The following NEK5 variants were observed in gnomAD, a reference collection of about 807,000 sequenced individuals.
NEK5 encodes the protein serine/threonine-protein kinase Nek5.
A neutral mutation model predicts 109.2 loss-of-function variants in NEK5; 88 were observed. That is an observed-to-expected ratio of 0.81 (90% CI 0.68 to 0.96). NEK5 has a LOEUF of 0.96. Ranked by LOEUF, NEK5 falls within the 40% of genes least tolerant of loss-of-function variation. NEK5 has a pLI of 0.00. For synonymous variants in NEK5, 283 were observed against 299.9 expected (o/e 0.94, Z 0.58); for missense variants, 834 against 920.7 (o/e 0.91, Z 1.22).
chr13:52,097,311 G>A (rs1329697995), intron 12 of NEK5, among the ~76,000 whole-genome samples: 5 of 152,184 alleles, frequency 3.3e-5, no homozygotes, highest in African/African-American at 7.2e-5. Flanking sequence ...CTCCAAAAAC[G>A]GTAGATTGAA....
At chr13:52,092,687 A>AGATCACCTGAGG in intron 13 of NEK5, among the ~76,000 whole-genome samples, 1 of 152,170 alleles carries the variant, frequency 6.6e-6, no homozygotes, top group Non-Finnish European at 1.5e-5. Context: ...GGAGTTCAAG[A>AGATCACCTGAGG]TCAGGTTGGC....
Position 52,102,079 on chromosome 13 carries a change from C to T in NEK5, c.810+13G>A, listed in dbSNP as rs760123559. ...ATCTCTGCCAAAATCCAAACAGTCA[C>T]CTCAAAACTTACCTCAGGAGTCAAA... is the stretch of plus-strand genomic sequence containing the variant. On this transcript the variant is annotated intron_variant, in intron 10 of 23. Coordinates refer to ENST00000684899, the MANE Select transcript of NEK5 (RefSeq NM_001365552.1). 3.5e-5 allele frequency: 57 copies of T among 1,613,054 alleles called. No homozygotes were observed. The highest frequency in any genetic ancestry group is 2.4e-4 in the South Asian group (22 of 91,058).
At chr13:52,049,830 AT>A (rs1954489105) in intron 23 of NEK5, among the ~76,000 whole-genome samples, 1 of 152,222 alleles carries the variant, frequency 6.6e-6, no homozygotes, top group Non-Finnish European at 1.5e-5. Flanking sequence ...TTTGAAGAAA[AT>A]GCTGTGAAGA....
At chr13:52,080,765 A>T (rs1429480663) in intron 17 of NEK5, among the ~76,000 whole-genome samples, 3 of 152,044 alleles carry the variant, frequency 2.0e-5, no homozygotes, top group Non-Finnish European at 4.4e-5. Context: ...GGAAGGCCGC[A>T]GGGTCCTCTG....
intron 22 of NEK5, among the ~76,000 whole-genome samples, chr13:52,059,708 A>C (rs1954593898): frequency 1.3e-5 from 2 of 152,062 alleles, no homozygotes; most frequent in African/African-American, 4.8e-5. Flanking sequence ...GCAAGAACAA[A>C]AAACCAAACA....
intron 11 of NEK5, among the ~76,000 whole-genome samples, chr13:52,100,468 GC>G: frequency 6.6e-6 from 1 of 152,306 alleles, no homozygotes; most frequent in Middle Eastern, 3.4e-3. Context: ...GGCCATGTTG[GC>G]CAGACTGGCA....
At chr13:52,112,913 A>G (rs922435034) in intron 4 of NEK5, among the ~76,000 whole-genome samples, 7 of 152,234 alleles carry the variant, frequency 4.6e-5, no homozygotes, top group African/African-American at 1.7e-4. Flanking sequence ...ACTAAATACT[A>G]CTAGGCTCTC....
chr13:52,122,878 GA>G (rs1397153471), intron 3 of NEK5, among the ~76,000 whole-genome samples: 1 of 152,160 alleles, frequency 6.6e-6, no homozygotes, highest in Non-Finnish European at 1.5e-5. Context: ...TAGTGATTAA[GA>G]AAGAGGTTAT....
At chr13:52,055,623 G>T (rs895048679) in intron 22 of NEK5, among the ~76,000 whole-genome samples, 3 of 152,034 alleles carry the variant, frequency 2.0e-5, no homozygotes, top group African/African-American at 7.3e-5. Flanking sequence ...CTACAAGCCA[G>T]AACAGAGGGG....
At position 52,079,351 on chromosome 13, in the gene NEK5, C is replaced by A. The variant is rs139221202; in HGVS notation, c.1573-3208G>T. ...TCCACGGTCTCCCTCTGATGCCGAGCCGAAGCTGGACTGTACTGCTGCCAT... is the reference window on the plus strand; with the variant it reads ...TCCACGGTCTCCCTCTGATGCCGAGACGAAGCTGGACTGTACTGCTGCCAT... On this transcript the variant is annotated intron_variant, in intron 17 of 23. Coordinates refer to ENST00000684899, the MANE Select transcript of NEK5 (RefSeq NM_001365552.1). 3.3e-3 allele frequency among the ~76,000 whole-genome samples: 488 copies of A among 148,978 alleles called. 3 individuals carry two copies. The highest frequency in any genetic ancestry group is 0.011 in the African/African-American group (439 of 39,976).
chr13:52,036,557 C>T lies in NEK5; in HGVS notation c.*391G>A, dbSNP rs1478688956. 1.3e-5 allele frequency: 2 copies of T among 151,868 alleles called. No individual in the cohort carries two copies. The highest frequency in any genetic ancestry group is 4.8e-5 in the African/African-American group (2 of 41,296). The allele number at this position is 151,868 out of a possible 1,614,324, so 9.4% of individuals were successfully genotyped here. The stretch of plus-strand genomic sequence containing the variant: ...ATCTCGGCTCACTTGCAACTTCCAT[C>T]TCCTGGGTTCAGGTGATTCTCCTGC... On this transcript the variant is annotated 3_prime_UTR_variant, in exon 24 of 24. Coordinates refer to ENST00000684899, the MANE Select transcript of NEK5 (RefSeq NM_001365552.1).
intron 20 of NEK5, among the ~76,000 whole-genome samples, chr13:52,068,466 T>TACAC (rs5803591): frequency 0.32 from 47,634 of 148,020 alleles, 7,955 homozygotes; most frequent in African/African-American, 0.45. Flanking sequence ...AATACACAAA[T>TACAC]ACACACACAC....
Position 52,099,884 on chromosome 13 carries a change from A to C in NEK5, c.893-8T>G. On this transcript the variant is annotated splice_region_variant and splice_polypyrimidine_tract_variant and intron_variant, in intron 11 of 23. Transcript: ENST00000684899. ...CTTTTTGTATTTTACACTCTTAATT[A>C]ACCAAAATAAAACAGCTTCAATTTT... is the stretch of plus-strand genomic sequence containing the variant. 6.2e-7 allele frequency: 1 copy of C among 1,610,078 alleles called. No homozygotes were observed.
intron 22 of NEK5, among the ~76,000 whole-genome samples, chr13:52,051,932 C>A (rs1954509360): frequency 2.0e-5 from 3 of 152,154 alleles, no homozygotes; most frequent in Non-Finnish European, 4.4e-5. Flanking sequence ...CCTCTGCTCA[C>A]CTGAGACAAA....
rs780076168 is a variant in NEK5 at position 52,110,333 on chromosome 13, T to C, written c.467+7A>G. 7 of 1,586,550 alleles carry C rather than the reference T, an allele frequency of 4.4e-6. No individual in the cohort carries two copies. In the South Asian group the frequency reaches 7.8e-5, roughly 18 times the overall value. ...CTAGAAAGAAAAATTATTTTCAAAG[T>C]ACTTACTTATTCAGGACTCTTGCTA... On this transcript the variant is annotated splice_region_variant and intron_variant, in intron 7 of 23. Transcript: ENST00000684899.
chr13:52,078,184 T>G (rs1954902547), intron 17 of NEK5, among the ~76,000 whole-genome samples: 1 of 152,250 alleles, frequency 6.6e-6, no homozygotes, highest in South Asian at 2.1e-4. Context: ...TCAATAAATT[T>G]TGATACATTC....
chr13:52,063,672 C>T (rs1184486818), intron 21 of NEK5, among the ~76,000 whole-genome samples: 1 of 151,146 alleles, frequency 6.6e-6, no homozygotes, highest in Non-Finnish European at 1.5e-5. Flanking sequence ...GTGGGGAGCA[C>T]CTCTGCCCTG....
At chr13:52,051,969 G>T (rs2140914663) in intron 22 of NEK5, among the ~76,000 whole-genome samples, 1 of 152,234 alleles carries the variant, frequency 6.6e-6, no homozygotes, top group Admixed American at 6.5e-5. Context: ...CTGCCCTATT[G>T]TTTATGTAAA....
rs1362821711 is a variant in NEK5 at position 52,127,405 on chromosome 13, A to C, written c.78T>G (p.Asp26Glu). The C allele has an allele frequency of 6.2e-7, 1 of 1,611,354 alleles. No individual in the cohort carries two copies. Residue 26 changes from aspartate (D) to glutamate (E), a missense_variant, in exon 3 of 24, where the codon GAT (aspartate) becomes GAG (glutamate). Physicochemically the swap from Asp to Glu is conservative, Grantham distance 45. This residue lies in a region of NEK5 where 777 missense variants were observed against 824.7 expected (regional missense o/e 0.94). Coordinates refer to ENST00000684899, the MANE Select transcript of NEK5 (RefSeq NM_001365552.1). ...TCTCTTTTATGACACAGTGCTTGCTATCTGATTTCCCTTTAGCTAAGTATG... is the reference window on the plus strand; with the variant it reads ...TCTCTTTTATGACACAGTGCTTGCTCTCTGATTTCCCTTTAGCTAAGTATG... ...GKAYLAKGKSDSKHCVIKEIN... is the reference protein window; with the variant it reads ...GKAYLAKGKSESKHCVIKEIN...
Sources: gnomAD v4.1 joint callset for allele counts (sites outside exome capture counted in the v4.1 genomes callset) on GRCh38, gnomAD v4.1.1 for gene constraint, gnomAD v4.1.1 regional missense constraint, MANE v1.5 for transcripts, NCBI Gene and HGNC (gene_info 2026-07-23, HGNC 2026-07-21) for gene names.